RGS7: variants seen among roughly 807,000 people sequenced by gnomAD.
RGS7 encodes the protein regulator of G-protein signaling 7.
Under a neutral mutation model 81.1 loss-of-function variants are expected in RGS7, and 27 were observed. The ratio of observed to expected loss-of-function variants is 0.33; its 90% confidence interval spans 0.25 to 0.46. The LOEUF is 0.46. Ranked by LOEUF, RGS7 falls within the 20% of genes least tolerant of loss-of-function variation. RGS7 has a pLI of 1.00. For missense variants in RGS7, 396 were observed against 607.4 expected (o/e 0.65, Z 3.66); for synonymous variants, 208 against 207.7 (o/e 1.00, Z -0.01).
intron 2 of RGS7, among the ~76,000 whole-genome samples, chr1:241,159,854 C>T (rs186605128): frequency 1.3e-5 from 2 of 151,662 alleles, no homozygotes; most frequent in Non-Finnish European, 2.9e-5. Context: ...TGAGTCACCA[C>T]TAGGAAAGTT....
At chr1:240,846,051 G>T (rs1430414361) in intron 9 of RGS7, among the ~76,000 whole-genome samples, 2 of 152,122 alleles carry the variant, frequency 1.3e-5, no homozygotes, top group African/African-American at 4.8e-5. Context: ...GGGAAATCAA[G>T]AATTATTAAT....
At chr1:240,829,353 C>T (rs1389317203) in intron 9 of RGS7, among the ~76,000 whole-genome samples, 2 of 152,140 alleles carry the variant, frequency 1.3e-5, no homozygotes, top group African/African-American at 4.8e-5. Context: ...ATTCACTAAA[C>T]TCTCCCAGCA....
chr1:241,272,638 T>C (rs2077978496), intron 2 of RGS7, among the ~76,000 whole-genome samples: 2 of 152,216 alleles, frequency 1.3e-5, no homozygotes, highest in South Asian at 4.1e-4. Context: ...TCTCTCCAAA[T>C]ATTTCTTTCT....
chr1:240,890,667 GATTA>G (rs756279087), intron 6 of RGS7, among the ~76,000 whole-genome samples: 29 of 152,090 alleles, frequency 1.9e-4, no homozygotes, highest in African/African-American at 2.7e-4. Flanking sequence ...GTGCTTTATA[GATTA>G]ATTATTTCTC....
At chr1:241,190,876 T>C (rs1052627112) in intron 2 of RGS7, among the ~76,000 whole-genome samples, 4 of 152,218 alleles carry the variant, frequency 2.6e-5, no homozygotes, top group African/African-American at 4.8e-5. Flanking sequence ...CTGTTTCTAA[T>C]TGAAGGGAAA....
At chr1:241,205,296 G>A (rs1267402572) in intron 2 of RGS7, among the ~76,000 whole-genome samples, 1 of 149,856 alleles carries the variant, frequency 6.7e-6, no homozygotes, top group East Asian at 2.0e-4. Context: ...TGGCCAGGAT[G>A]GTCTCGATCT....
At chr1:241,254,131 T>G (rs1189439802) in intron 2 of RGS7, among the ~76,000 whole-genome samples, 1 of 128,824 alleles carries the variant, frequency 7.8e-6, no homozygotes. Flanking sequence ...ACCCGGGAGG[T>G]GGGGCTTGCA....
intron 2 of RGS7, among the ~76,000 whole-genome samples, chr1:241,352,093 T>A (rs1327502951): frequency 6.6e-6 from 1 of 152,224 alleles, no homozygotes; most frequent in Non-Finnish European, 1.5e-5. Context: ...TGTACTCAGT[T>A]GTTCTTTACG....
chr1:241,044,975 A>C (rs12727719), intron 3 of RGS7, among the ~76,000 whole-genome samples: 26,939 of 152,094 alleles, frequency 0.18, 2,791 homozygotes, highest in Non-Finnish European at 0.23. Flanking sequence ...CCTATCACTG[A>C]CTCAGCTCTG....
chr1:241,145,624 A>G (rs1046549223), intron 2 of RGS7, among the ~76,000 whole-genome samples: 2 of 152,194 alleles, frequency 1.3e-5, no homozygotes, highest in African/African-American at 2.4e-5. Flanking sequence ...ACATGCCTGC[A>G]ATCCCAGCTA....
chr1:240,852,943 TTGTC>T (rs1660375870), intron 9 of RGS7, among the ~76,000 whole-genome samples: 1 of 152,162 alleles, frequency 6.6e-6, no homozygotes, highest in Non-Finnish European at 1.5e-5. Flanking sequence ...ACAACCAACA[TTGTC>T]TGTGATTACC....
At chr1:240,892,809 G>C (rs986506320) in intron 6 of RGS7, among the ~76,000 whole-genome samples, 10 of 152,006 alleles carry the variant, frequency 6.6e-5, no homozygotes, top group African/African-American at 2.4e-4. Context: ...CAGTCTCTCT[G>C]AACCTATTCT....
intron 2 of RGS7, among the ~76,000 whole-genome samples, chr1:241,327,171 C>G (rs1454697486): frequency 1.4e-5 from 2 of 144,070 alleles, no homozygotes; most frequent in East Asian, 2.2e-4. Flanking sequence ...AAGAAACACA[C>G]AGACTAAGAT....
intron 6 of RGS7, among the ~76,000 whole-genome samples, chr1:240,923,504 A>C (rs552201891): frequency 1.3e-5 from 2 of 152,222 alleles, no homozygotes; most frequent in African/African-American, 4.8e-5. Flanking sequence ...AAGTCCATTA[A>C]TTTTTAAAAC....
chr1:241,272,388 C>T (rs998476542), intron 2 of RGS7, among the ~76,000 whole-genome samples: 3 of 152,188 alleles, frequency 2.0e-5, no homozygotes, highest in African/African-American at 7.2e-5. Context: ...TTCCCCCTCC[C>T]CAGCTTCCTG....
intron 6 of RGS7, among the ~76,000 whole-genome samples, chr1:240,885,021 T>TG (rs1264528488): frequency 6.6e-6 from 1 of 152,222 alleles, no homozygotes; most frequent in Non-Finnish European, 1.5e-5. Flanking sequence ...AAAGGTCTAC[T>TG]ATCCAGCATC....
rs1364060002 is a variant in RGS7 at position 241,146,223 on chromosome 1, TG to T, written c.79-47462del. ...AAGAAAAATTAAAATGACAGTACAA[TG>T]AAAAAAAAATACAATCTAATAAGAC... On this transcript the variant is annotated intron_variant, in intron 2 of 18. Transcript: ENST00000440928. Among the ~76,000 whole-genome samples, 3 of 151,048 alleles carry T rather than the reference TG, an allele frequency of 2.0e-5. No individual in the cohort carries two copies. In the East Asian group the frequency reaches 5.8e-4, roughly 29 times the overall value.
At chr1:241,174,007 C>T (rs1196595220) in intron 2 of RGS7, among the ~76,000 whole-genome samples, 1 of 152,162 alleles carries the variant, frequency 6.6e-6, no homozygotes, top group Non-Finnish European at 1.5e-5. Context: ...TAACCTAACA[C>T]TCATGATATA....
intron 9 of RGS7, among the ~76,000 whole-genome samples, chr1:240,834,604 G>A (rs575497483): frequency 2.6e-5 from 4 of 152,186 alleles, no homozygotes; most frequent in Admixed American, 2.6e-4. Flanking sequence ...TCCGCCTCCC[G>A]GGTTCACGCC....
Sources: gnomAD v4.1 joint callset for allele counts (sites outside exome capture counted in the v4.1 genomes callset) on GRCh38, gnomAD v4.1.1 for gene constraint, MANE v1.5 for transcripts, NCBI Gene and HGNC (gene_info 2026-07-23, HGNC 2026-07-21) for gene names.